The following EXOC4 variants were observed in gnomAD, a reference collection of about 807,000 sequenced individuals.
EXOC4 encodes SEC8-like 1.
A neutral mutation model predicts 107.2 loss-of-function variants in EXOC4; 71 were observed. The ratio of observed to expected loss-of-function variants is 0.66; its 90% CI spans 0.55 to 0.81. The LOEUF (loss-of-function observed/expected upper bound fraction) is 0.81. Among genes scored for constraint, EXOC4 ranks in the 30% least tolerant of loss-of-function variants. EXOC4 has a pLI of 0.00. For missense variants in EXOC4, 1,108 were observed against 1,189.6 expected, an observed-to-expected ratio of 0.93 and a Z score of 1.01; for synonymous variants, 456 against 441.2, an observed-to-expected ratio of 1.03 and a Z score of -0.42.
At chr7:133,429,876 C>T (rs574051312) in intron 7 of EXOC4, among the ~76,000 whole-genome samples, 1 of 152,354 alleles carries the variant, frequency 6.6e-6, no homozygotes, top group South Asian at 2.1e-4. Context: ...TACTGGGCTG[C>T]TGCTGAGCTC....
At chr7:134,083,007 C>G in the EXOC4 span, among the ~76,000 whole-genome samples, 2 of 152,110 alleles carry the variant, frequency 1.3e-5, no homozygotes, top group African/African-American at 2.4e-5. Context: ...AGTAAGCACT[C>G]TCATAGACTT....
intron 11 of EXOC4, among the ~76,000 whole-genome samples, chr7:133,841,867 A>T (rs1203754211): frequency 6.6e-6 from 1 of 152,000 alleles, no homozygotes; most frequent in Non-Finnish European, 1.5e-5. Context: ...CTTTGTGTTC[A>T]TATGTGCTCC....
intron 17 of EXOC4, 96 bp from the exon 18 acceptor site, chr7:134,064,195 A>G (rs1796133367): frequency 1.4e-5 from 10 of 718,460 alleles, no homozygotes; most frequent in Non-Finnish European, 2.2e-5. Context: ...GTTATGAAGT[A>G]AGTAGAGGAA....
At chr7:133,451,163 G>A (rs922592811) in intron 7 of EXOC4, among the ~76,000 whole-genome samples, 28 of 151,542 alleles carry the variant, frequency 1.8e-4, no homozygotes, top group African/African-American at 6.3e-4. Context: ...AGTGGAGATT[G>A]TTTAAAGATT....
At chr7:134,085,941 A>G in the EXOC4 span, among the ~76,000 whole-genome samples, 1 of 152,200 alleles carries the variant, frequency 6.6e-6, no homozygotes, top group Non-Finnish European at 1.5e-5. Context: ...TGTGCTCAGG[A>G]AAGACCTAAG....
rs35982893 is a variant in EXOC4, at chr7:133,389,595, A to AAAAAATG, written c.1182+14593_1182+14594insAAAAATG. 1.8e-4 allele frequency among the ~76,000 whole-genome samples: 17 copies of AAAAAATG among 95,366 alleles called. 2 individuals are homozygous for AAAAAATG. Among genetic ancestry groups the AAAAAATG allele is most frequent in the African/African-American group, 4.3e-4 (10 of 23,486 alleles). The allele number at this position is 95,366 out of a possible 152,430, so 62.6% of individuals were successfully genotyped here. On this transcript the variant is annotated intron_variant, in intron 7 of 17. Coordinates refer to ENST00000253861, the MANE Select transcript of EXOC4 (RefSeq NM_021807.4). ...CAAAAAAAAAAAAAAAAAAAAAAAA[A>AAAAAATG]GAGAGTCTTAAGTCAGGTTGAAGTT... is the stretch of plus-strand genomic sequence containing the variant.
At chr7:133,825,423 T>C (rs537664792) in intron 11 of EXOC4, among the ~76,000 whole-genome samples, 62 of 152,290 alleles carry the variant, frequency 4.1e-4, no homozygotes, top group African/African-American at 1.4e-3. Flanking sequence ...CAGGATGGTC[T>C]AAATTCTAGA....
rs576205204 is a variant in EXOC4 at position 133,638,595 on chromosome 7, A to G, written c.1514+8454A>G. Among the ~76,000 whole-genome samples the G allele has an allele frequency of 5.9e-5, 9 of 152,176 alleles. No individual in the cohort carries two copies. In the East Asian group the frequency reaches 1.5e-3, roughly 26 times the overall value. ...GACGAATGCCACCCCTCCCTACCATATAGTTGCTTCTGTCCTCTTTCTTTT... is the reference window on the plus strand; with the variant it reads ...GACGAATGCCACCCCTCCCTACCATGTAGTTGCTTCTGTCCTCTTTCTTTT... On this transcript the variant is annotated intron_variant, in intron 10 of 17. Coordinates refer to ENST00000253861, the MANE Select transcript of EXOC4 (RefSeq NM_021807.4).
At chr7:133,654,636 G>A (rs1168338275) in intron 10 of EXOC4, among the ~76,000 whole-genome samples, 3 of 152,062 alleles carry the variant, frequency 2.0e-5, no homozygotes, top group Admixed American at 6.6e-5. Context: ...AGTACTGGGC[G>A]CAGCAGTTCT....
chr7:134,030,698 C>A (rs868755254), intron 17 of EXOC4, among the ~76,000 whole-genome samples: 1 of 144,038 alleles, frequency 6.9e-6, no homozygotes, highest in African/African-American at 2.5e-5. Flanking sequence ...CTCACCCCCC[C>A]GCCCCGAGTA....
chr7:133,508,661 A>G (rs910380622), intron 9 of EXOC4, among the ~76,000 whole-genome samples: 1 of 152,204 alleles, frequency 6.6e-6, no homozygotes, highest in Non-Finnish European at 1.5e-5. Flanking sequence ...ACCTGTAGCT[A>G]CAGTCACAAG....
At chr7:133,949,984 C>A (rs899897204) in intron 14 of EXOC4, among the ~76,000 whole-genome samples, 2 of 152,132 alleles carry the variant, frequency 1.3e-5, no homozygotes, top group South Asian at 4.1e-4. Flanking sequence ...TTAATTGCAA[C>A]TGGGGTCTTC....
chr7:134,089,791 A>T, the EXOC4 span, among the ~76,000 whole-genome samples: 1 of 152,182 alleles, frequency 6.6e-6, no homozygotes, highest in African/African-American at 2.4e-5. Context: ...CCTTTCTTAC[A>T]TAAAGTCTCT....
intron 10 of EXOC4, among the ~76,000 whole-genome samples, chr7:133,773,285 GTGCTTCCCAAACA>G (rs373425878): frequency 1.2e-4 from 19 of 152,054 alleles, no homozygotes; most frequent in South Asian, 2.1e-4. Context: ...CTCTAGGACA[GTGCTTCCCAAACA>G]TGCTTCCCAA....
At chr7:133,279,798 C>T (rs761977912) in intron 2 of EXOC4, among the ~76,000 whole-genome samples, 10 of 152,254 alleles carry the variant, frequency 6.6e-5, no homozygotes, top group Middle Eastern at 3.4e-3. Context: ...GGATTATAGG[C>T]GTGAGCCGCT....
At chr7:133,272,714 C>T (rs887689011) in intron 1 of EXOC4, among the ~76,000 whole-genome samples, 1 of 152,082 alleles carries the variant, frequency 6.6e-6, no homozygotes, top group Non-Finnish European at 1.5e-5. Context: ...GCAAAGCTGG[C>T]ACAGGGTATT....
At chr7:133,456,693 T>C (rs1798470555) in intron 7 of EXOC4, among the ~76,000 whole-genome samples, 1 of 152,158 alleles carries the variant, frequency 6.6e-6, no homozygotes, top group Non-Finnish European at 1.5e-5. Flanking sequence ...CTCCTGCCAG[T>C]ATGGAATCAG....
At chr7:133,443,134 G>A (rs1476634260) in intron 7 of EXOC4, among the ~76,000 whole-genome samples, 1 of 152,194 alleles carries the variant, frequency 6.6e-6, no homozygotes, top group Non-Finnish European at 1.5e-5. Context: ...TGGTGTTATA[G>A]CTGCTTTTTC....
intron 10 of EXOC4, among the ~76,000 whole-genome samples, chr7:133,808,189 T>A (rs1485439515): frequency 6.6e-6 from 1 of 152,192 alleles, no homozygotes; most frequent in South Asian, 2.1e-4. Flanking sequence ...AATCTTTATA[T>A]ACAAAAGGCA....
Sources: gnomAD v4.1 joint callset for allele counts (sites outside exome capture counted in the v4.1 genomes callset) on GRCh38, gnomAD v4.1.1 for gene constraint, MANE v1.5 for transcripts, NCBI Gene and HGNC (gene_info 2026-07-23, HGNC 2026-07-21) for gene names.